Variants in ZNF407 observed in about 807,000 individuals in gnomAD.
ZNF407 encodes zinc finger protein 407.
Under a neutral mutation model 131.2 loss-of-function variants are expected in ZNF407, and 17 were observed. The observed-to-expected ratio is 0.13, with a 90% CI of 0.09 to 0.19. The LOEUF (loss-of-function observed/expected upper bound fraction) is 0.19, where lower values mean the gene tolerates loss of function less well. Ranked by LOEUF, ZNF407 falls within the 10% of genes least tolerant of loss-of-function variation. The pLI is 1.00. For synonymous variants in ZNF407, 1,156 were observed against 1,062.0 expected (o/e 1.09, Z -1.72); for missense variants, 2,681 against 2,830.6 (o/e 0.95, Z 1.20).
rs1984422141 is a variant in ZNF407 at position 74,635,564 on chromosome 18, G to A, written c.4545G>A (p.Glu1515=). The change falls in exon 2 of 9, where the codon GAG becomes GAA. Residue 1515 remains glutamate (E), a synonymous_variant. Coordinates refer to ENST00000299687, the MANE Select transcript of ZNF407 (RefSeq NM_017757.3). The surrounding 1 kb of genome is among the most constrained non-coding windows in gnomAD (Gnocchi z 4.7). ...GACAGCATGAGGAATTGCTGCGGGA[G>A]GTGAATAAGTATATAGTGGAAGACA... ...IKGQHEELLR[E]VNKYIVEDTE... is the part of the protein sequence containing the mutation. 1.2e-6 allele frequency: 2 copies of A among 1,613,926 alleles called. No homozygotes were observed. The highest frequency in any genetic ancestry group is 1.7e-6 in the Non-Finnish European group (2 of 1,179,854).
chr18:74,696,648 A>C (rs919850076), intron 3 of ZNF407, among the ~76,000 whole-genome samples: 1 of 152,174 alleles, frequency 6.6e-6, no homozygotes, highest in Non-Finnish European at 1.5e-5. Flanking sequence ...GTGTGTTCAC[A>C]TACATACATA....
At chr18:74,716,830 G>A (rs1375157323) in intron 3 of ZNF407, among the ~76,000 whole-genome samples, 1 of 152,122 alleles carries the variant, frequency 6.6e-6, no homozygotes, top group Non-Finnish European at 1.5e-5. Context: ...CAAGTATGTT[G>A]AAATAGATCG....
intron 3 of ZNF407, among the ~76,000 whole-genome samples, chr18:74,713,964 T>A (rs1967831755): frequency 6.6e-6 from 1 of 152,210 alleles, no homozygotes; most frequent in African/African-American, 2.4e-5. Flanking sequence ...AGGCTTGAAA[T>A]AATTTGGCCT....
chr18:74,614,435 G>A (rs765754479), intron 1 of ZNF407, among the ~76,000 whole-genome samples: 6 of 152,156 alleles, frequency 3.9e-5, no homozygotes, highest in South Asian at 2.1e-4. Context: ...TGTGACAGCC[G>A]TATTACGTAC....
chr18:74,657,253 A>C (rs1412148542), intron 3 of ZNF407, among the ~76,000 whole-genome samples: 7 of 152,140 alleles, frequency 4.6e-5, no homozygotes, highest in African/African-American at 1.7e-4. Context: ...TTGTATAATT[A>C]TGAAAAAATG....
At chr18:74,982,250 C>G (rs535345569) in intron 8 of ZNF407, among the ~76,000 whole-genome samples, 1 of 152,124 alleles carries the variant, frequency 6.6e-6, no homozygotes, top group Non-Finnish European at 1.5e-5. Flanking sequence ...ATGTGTTAAC[C>G]TTTTCTACAC....
Position 75,064,469 on chromosome 18 carries a change from G to C in ZNF407, c.*1G>C, listed in dbSNP as rs555433103. 6.9e-5 allele frequency: 102 copies of C among 1,478,004 alleles called. No homozygotes were observed. Among genetic ancestry groups the C allele is most frequent in the Non-Finnish European group, 8.5e-5 (94 of 1,110,630 alleles). The allele number at this position is 1,478,004 out of a possible 1,614,324, so 91.6% of individuals were successfully genotyped here. ...AAGCAGCGAACTCCAGGAAGCATGAGACGCGCGGCACCTTTACTCAGCACA... is the reference window on the plus strand; with the variant it reads ...AAGCAGCGAACTCCAGGAAGCATGACACGCGCGGCACCTTTACTCAGCACA... On this transcript the variant is annotated 3_prime_UTR_variant, in exon 9 of 9. Coordinates refer to ENST00000299687, the MANE Select transcript of ZNF407 (RefSeq NM_017757.3).
intron 8 of ZNF407, among the ~76,000 whole-genome samples, chr18:74,954,420 T>C (rs1215953549): frequency 6.6e-6 from 1 of 152,166 alleles, no homozygotes; most frequent in Non-Finnish European, 1.5e-5. Flanking sequence ...ATTAAGCTTC[T>C]CTCCTTCCAC....
At chr18:74,930,355 G>A (rs558622382) in intron 8 of ZNF407, among the ~76,000 whole-genome samples, 1 of 152,280 alleles carries the variant, frequency 6.6e-6, no homozygotes, top group South Asian at 2.1e-4. Flanking sequence ...GGAGTGAGGT[G>A]GGATCTTCAG....
chr18:74,867,498 TC>T (rs1339168224), intron 4 of ZNF407, among the ~76,000 whole-genome samples: 1 of 152,190 alleles, frequency 6.6e-6, no homozygotes, highest in African/African-American at 2.4e-5. Flanking sequence ...GAATAAAAAT[TC>T]CATGGTCCTT....
At chr18:74,992,639 A>G (rs1972732218) in intron 8 of ZNF407, among the ~76,000 whole-genome samples, 1 of 152,228 alleles carries the variant, frequency 6.6e-6, no homozygotes, top group South Asian at 2.1e-4. Context: ...TCTGTCGAAG[A>G]GAAAACTACA....
At chr18:74,941,531 T>C (rs536286049) in intron 8 of ZNF407, among the ~76,000 whole-genome samples, 4 of 152,198 alleles carry the variant, frequency 2.6e-5, no homozygotes, top group Non-Finnish European at 5.9e-5. Context: ...ACACAACACA[T>C]AATGTACTAT....
chr18:74,810,289 G>A (rs1428516009), intron 4 of ZNF407, among the ~76,000 whole-genome samples: 3 of 152,018 alleles, frequency 2.0e-5, no homozygotes, highest in African/African-American at 7.2e-5. Flanking sequence ...AAGGCAGTTT[G>A]TGTGGATATT....
At chr18:75,040,964 C>G (rs1973365626) in intron 8 of ZNF407, among the ~76,000 whole-genome samples, 1 of 152,180 alleles carries the variant, frequency 6.6e-6, no homozygotes, top group Non-Finnish European at 1.5e-5. Context: ...TTTTCAGAAG[C>G]TGCAATTACT....
At chr18:74,969,405 C>T (rs960105236) in intron 8 of ZNF407, among the ~76,000 whole-genome samples, 23 of 152,064 alleles carry the variant, frequency 1.5e-4, no homozygotes, top group African/African-American at 4.6e-4. Context: ...TTTTAGTAGA[C>T]GTTTCCCTTG....
intron 3 of ZNF407, among the ~76,000 whole-genome samples, chr18:74,668,573 C>T (rs1691098393): frequency 1.3e-5 from 2 of 152,052 alleles, no homozygotes; most frequent in South Asian, 2.1e-4. Context: ...TTGTCGAGAC[C>T]GTTTTTCTTA....
At chr18:74,986,560 T>A (rs1272651947) in intron 8 of ZNF407, among the ~76,000 whole-genome samples, 1 of 152,230 alleles carries the variant, frequency 6.6e-6, no homozygotes, top group Non-Finnish European at 1.5e-5. Flanking sequence ...ATGTCATCCA[T>A]TTTATACTTG....
chr18:74,853,592 A>C (rs932132011), intron 4 of ZNF407, among the ~76,000 whole-genome samples: 4 of 152,154 alleles, frequency 2.6e-5, no homozygotes, highest in Non-Finnish European at 5.9e-5. Flanking sequence ...CTTAACATTC[A>C]CCTTTAACTG....
intron 3 of ZNF407, among the ~76,000 whole-genome samples, chr18:74,693,717 G>A (rs998315738): frequency 6.6e-6 from 1 of 151,866 alleles, no homozygotes; most frequent in Non-Finnish European, 1.5e-5. Context: ...TGTGTTCATC[G>A]TGCTTGAGGT....
Sources: gnomAD v4.1 joint callset for allele counts (sites outside exome capture counted in the v4.1 genomes callset) on GRCh38, gnomAD v4.1.1 for gene constraint, Gnocchi (gnomAD v3.1) non-coding constraint, MANE v1.5 for transcripts, NCBI Gene and HGNC (gene_info 2026-07-23, HGNC 2026-07-21) for gene names.